RELN: variants seen among roughly 807,000 people sequenced by gnomAD.
The protein encoded by RELN is reelin.
Under a neutral mutation model 427.6 loss-of-function variants are expected in RELN, and 108 were observed. The ratio of observed to expected loss-of-function variants is 0.25; its 90% CI spans 0.22 to 0.30. The LOEUF is 0.30. Among genes scored for constraint, RELN ranks in the 10% least tolerant of loss-of-function variants. RELN has a pLI of 1.00. For synonymous variants in RELN, 1,524 were observed against 1,513.4 expected (o/e 1.01, Z -0.16); for missense variants, 3,715 against 4,302.8 (o/e 0.86, Z 3.82).
intron 2 of RELN, among the ~76,000 whole-genome samples, chr7:103,859,536 G>T (rs548029050): frequency 6.6e-6 from 1 of 152,058 alleles, no homozygotes; most frequent in African/African-American, 2.4e-5. Flanking sequence ...CTCGTGATCC[G>T]CCCACTTTGA....
chr7:103,746,222 A>G (rs1157116466), intron 6 of RELN, among the ~76,000 whole-genome samples: 2 of 152,228 alleles, frequency 1.3e-5, no homozygotes, highest in African/African-American at 4.8e-5. Context: ...ATACACAGAA[A>G]GCTGAAACTG....
At chr7:103,938,448 C>T (rs1392803440) in intron 1 of RELN, among the ~76,000 whole-genome samples, 1 of 152,006 alleles carries the variant, frequency 6.6e-6, no homozygotes, top group Non-Finnish European at 1.5e-5. Flanking sequence ...ACTGTAAAAC[C>T]TTTGATATAA....
At chr7:103,668,365 T>G (rs1833317908) in intron 11 of RELN, among the ~76,000 whole-genome samples, 1 of 152,202 alleles carries the variant, frequency 6.6e-6, no homozygotes, top group South Asian at 2.1e-4. Context: ...TAAAACCAAT[T>G]TCTCTTTAAT....
chr7:103,667,790 T>C (rs916334098), intron 11 of RELN, among the ~76,000 whole-genome samples: 1 of 152,240 alleles, frequency 6.6e-6, no homozygotes, highest in Non-Finnish European at 1.5e-5. Flanking sequence ...GTTTATCATG[T>C]ATGCTTACTT....
intron 3 of RELN, among the ~76,000 whole-genome samples, chr7:103,785,176 G>A (rs1335215327): frequency 1.3e-5 from 2 of 152,084 alleles, no homozygotes; most frequent in Admixed American, 1.3e-4. Context: ...TTCTGGAAAT[G>A]CCTTCTAAAA....
At chr7:103,680,766 C>A (rs113772818) in intron 11 of RELN, among the ~76,000 whole-genome samples, 1 of 151,828 alleles carries the variant, frequency 6.6e-6, no homozygotes, top group African/African-American at 2.4e-5. Flanking sequence ...TGGTTTCTGG[C>A]GTCTCAAGGA....
At position 103,495,852 on chromosome 7, in the gene RELN, T is replaced by C. The variant is rs1289736845; in HGVS notation, c.9240A>G (p.Val3080=). Residue 3080 remains valine, a synonymous_variant, in exon 57 of 65, where the codon GTA becomes GTG. Transcript: ENST00000428762. The part of the protein sequence containing the change: ...EENWSFYPNA[V]RTAGFCGNPS... ...GATTGCCACAAAATCCTGCTGTCCT[T>C]ACAGCATTAGGGTAAAAACTCCAGT... 1 of 1,613,888 alleles carries C rather than the reference T, an allele frequency of 6.2e-7. No homozygotes were observed. The highest frequency in any genetic ancestry group is 1.3e-5 in the African/African-American group (1 of 74,962).
At position 103,497,870 on chromosome 7, in the gene RELN, C is replaced by T. The variant is rs753114314; in HGVS notation, c.8900G>A (p.Arg2967His). ...CACGCCTTCCTTCCGGCAGATGGGA[C>T]GATGGCAAGAGGTCATGTTGTTCTC... is the stretch of plus-strand genomic sequence containing the variant. Reference protein sequence around the residue: ...GSENNMTSCHRPICRKEGVLL... With the variant: ...GSENNMTSCHHPICRKEGVLL... The change falls in exon 55 of 65, where the codon CGT becomes CAT. Residue 2967 changes from arginine (R) to histidine (H), a missense_variant. Arg to His is a conservative substitution (Grantham distance 29, BLOSUM62 0). Coordinates refer to ENST00000428762, the MANE Select transcript of RELN (RefSeq NM_005045.4). The T allele has an allele frequency of 3.1e-6, 5 of 1,614,010 alleles. No homozygotes were observed. Among genetic ancestry groups the T allele is most frequent in the East Asian group, 2.2e-5 (1 of 44,890 alleles).
At chr7:103,845,947 A>G (rs768409634) in intron 2 of RELN, among the ~76,000 whole-genome samples, 3 of 152,202 alleles carry the variant, frequency 2.0e-5, no homozygotes, top group Non-Finnish European at 4.4e-5. Context: ...CACACTGCCC[A>G]AACATTCCAT....
chr7:103,654,121 A>T lies in RELN; in HGVS notation c.1526T>A (p.Leu509Gln). 1 of 1,595,842 alleles carries T rather than the reference A, an allele frequency of 6.3e-7. No homozygotes were observed. The highest frequency in any genetic ancestry group is 8.6e-7 in the Non-Finnish European group (1 of 1,163,856). The change falls in exon 13 of 65, where the codon CTG becomes CAG. Residue 509 changes from leucine (L) to glutamine (Q), a missense_variant. Leu to Gln is a moderately radical substitution (Grantham distance 113, BLOSUM62 -2). Coordinates refer to ENST00000428762, the MANE Select transcript of RELN (RefSeq NM_005045.4). ...KIEGRKEHIT[L>Q]DTLSYSSYKV... is the part of the protein sequence containing the mutation. ...ATATGAGGAATAGGAAAGGGTATCC[A>T]GTGTTATATGCTCTTTTCTTCCTTC...
rs2117208520 is a variant in RELN, at chr7:103,575,709, T to C, written c.4146-4A>G. 1.9e-6 allele frequency: 3 copies of C among 1,614,130 alleles called. No homozygotes were observed. Among genetic ancestry groups the C allele is most frequent in the South Asian group, 1.1e-5 (1 of 91,084 alleles). On this transcript the variant is annotated splice_region_variant and splice_polypyrimidine_tract_variant and intron_variant, in intron 28 of 64. Transcript: ENST00000428762. Reference sequence around the variant, plus strand: ...GATCCATCGGAATCTGGTCTTGCTGTTGGGAAAAACAACACACCTGTTTCT... The same window carrying C: ...GATCCATCGGAATCTGGTCTTGCTGCTGGGAAAAACAACACACCTGTTTCT...
At chr7:103,866,346 G>T (rs990089453) in intron 2 of RELN, among the ~76,000 whole-genome samples, 6 of 151,980 alleles carry the variant, frequency 3.9e-5, no homozygotes, top group African/African-American at 9.7e-5. Flanking sequence ...TGCCTTTCTG[G>T]TTCTCCCAAA....
At chr7:103,907,114 T>C (rs1275059043) in intron 2 of RELN, among the ~76,000 whole-genome samples, 1 of 151,820 alleles carries the variant, frequency 6.6e-6, no homozygotes, top group African/African-American at 2.4e-5. Flanking sequence ...TGAAAACATA[T>C]TAAGTAAAAA....
At chr7:103,962,178 TC>T (rs1416331510) in intron 1 of RELN, among the ~76,000 whole-genome samples, 1 of 152,106 alleles carries the variant, frequency 6.6e-6, no homozygotes, top group Non-Finnish European at 1.5e-5. Flanking sequence ...GCTTCCCTGT[TC>T]CCCGTGCTGA....
At chr7:103,987,347 G>C (rs559541573) in intron 1 of RELN, among the ~76,000 whole-genome samples, 1 of 152,160 alleles carries the variant, frequency 6.6e-6, no homozygotes, top group Admixed American at 6.5e-5. Flanking sequence ...TTCAGACTTA[G>C]ATATGTGATT....
intron 57 of RELN, among the ~76,000 whole-genome samples, chr7:103,493,673 G>A: frequency 6.6e-6 from 1 of 152,104 alleles, no homozygotes; most frequent in East Asian, 1.9e-4. Context: ...GGGGAGAAAA[G>A]CCATAAGAAG....
At chr7:103,920,496 C>T (rs2192305) in intron 1 of RELN, among the ~76,000 whole-genome samples, 22,983 of 151,240 alleles carry the variant, frequency 0.15, 3,911 homozygotes, top group African/African-American at 0.41. Flanking sequence ...TTCAAATTAG[C>T]ATATTATGTA....
At chr7:103,478,074 A>G (rs1251298144) in intron 64 of RELN, among the ~76,000 whole-genome samples, 3 of 152,192 alleles carry the variant, frequency 2.0e-5, no homozygotes, top group African/African-American at 7.2e-5. Flanking sequence ...AGGGCACCCA[A>G]TACGGTGTCA....
intron 49 of RELN, among the ~76,000 whole-genome samples, chr7:103,515,807 G>C (rs2528864): frequency 0.33 from 50,600 of 151,850 alleles, 9,832 homozygotes; most frequent in African/African-American, 0.53. Flanking sequence ...CTGTCACCTA[G>C]TGCTTGGCTT....
Sources: gnomAD v4.1 joint callset for allele counts (sites outside exome capture counted in the v4.1 genomes callset) on GRCh38, gnomAD v4.1.1 for gene constraint, MANE v1.5 for transcripts, NCBI Gene and HGNC (gene_info 2026-07-23, HGNC 2026-07-21) for gene names.